The following MYT1 variants were observed in gnomAD, a reference collection of about 807,000 sequenced individuals.
The protein encoded by MYT1 is myelin transcription factor I.
Under a neutral mutation model 123.0 loss-of-function variants are expected in MYT1, and 23 were observed. The ratio of observed to expected loss-of-function variants is 0.19; its 90% CI spans 0.13 to 0.26. MYT1 has a LOEUF of 0.26. Ranked by LOEUF, MYT1 falls within the 10% of genes least tolerant of loss-of-function variation. The pLI is 1.00. For synonymous variants in MYT1, 518 were observed against 575.3 expected (o/e 0.90, Z 1.43); for missense variants, 1,125 against 1,472.5 (o/e 0.76, Z 3.86).
Position 64,189,678 on chromosome 20 carries a change from C to T in MYT1, c.-98-385C>T, listed in dbSNP as rs892847689. Among the ~76,000 whole-genome samples the T allele has an allele frequency of 6.6e-5, 10 of 152,168 alleles. No homozygotes were observed. Among genetic ancestry groups the T allele is most frequent in the African/African-American group, 1.2e-4 (5 of 41,440 alleles). On this transcript the variant is annotated intron_variant, in intron 1 of 22. Coordinates refer to ENST00000328439, the MANE Select transcript of MYT1 (RefSeq NM_004535.3). The surrounding 1 kb of genome is among the most constrained non-coding windows in gnomAD (Gnocchi z 5.5). The stretch of plus-strand genomic sequence containing the variant: ...GGGGCAGAAGGATCTGGTTGTAATG[C>T]GAATAATTACTCATTAGTCAGCTCA...
At chr20:64,237,606 G>A (rs773519102) in intron 21 of MYT1, among the ~76,000 whole-genome samples, 2 of 152,184 alleles carry the variant, frequency 1.3e-5, no homozygotes, top group African/African-American at 4.8e-5. Context: ...GTGGGCCGCC[G>A]GAGCTGGTTG....
Position 64,211,316 on chromosome 20 carries a change from C to T in MYT1, c.1402C>T (p.His468Tyr), listed in dbSNP as rs556404142. Reference protein sequence around the residue: ...PHHRSLSGCPHKDRIPPEILA... With the variant: ...PHHRSLSGCPYKDRIPPEILA... ...CCACCGCAGCCTTTCTGGCTGTCCC[C>T]ACAAGGATAGGATCCCCCCAGAGAG... Residue 468 changes from histidine to tyrosine, a missense_variant, in exon 8 of 23, where the codon CAC (histidine) becomes TAC (tyrosine). Transcript: ENST00000328439. The T allele has an allele frequency of 7.7e-5, 125 of 1,613,634 alleles. No individual in the cohort carries two copies. In the South Asian group the frequency reaches 1.2e-3, roughly 16 times the overall value.
chr20:64,223,434 C>T, intron 16 of MYT1, 75 bp downstream of exon 16: 1 of 1,516,416 alleles, frequency 6.6e-7, no homozygotes, highest in East Asian at 2.3e-5. Context: ...AGGCTCCTGC[C>T]AAAATCAGCC....
intron 16 of MYT1, 144 bp downstream of exon 16, chr20:64,223,503 G>A (rs1984074146): frequency 1.1e-6 from 1 of 888,400 alleles, no homozygotes; most frequent in South Asian, 1.5e-5. Context: ...CAGAGGGGCA[G>A]GGCCGTGGAG....
intron 10 of MYT1, among the ~76,000 whole-genome samples, chr20:64,214,361 G>A (rs916477248): frequency 5.9e-5 from 9 of 152,206 alleles, no homozygotes; most frequent in Non-Finnish European, 2.9e-5. Flanking sequence ...GCATATGTGC[G>A]AGTATGTTTA....
chr20:64,211,739 T>C (rs1373017082), intron 8 of MYT1, among the ~76,000 whole-genome samples: 1 of 152,152 alleles, frequency 6.6e-6, no homozygotes, highest in Non-Finnish European at 1.5e-5. Flanking sequence ...ATTGTGAAAA[T>C]TAAATTTAAA....
Position 64,217,322 on chromosome 20 carries a change from C to T in MYT1, c.1846+41C>T, listed in dbSNP as rs764366721. 3.7e-6 allele frequency: 6 copies of T among 1,603,546 alleles called. No individual in the cohort carries two copies. The South Asian group carries it at 6.6e-5, about 18-fold the overall frequency. On this transcript the variant is annotated intron_variant, in intron 11 of 22. Transcript: ENST00000328439. ...TTGTTCTTGTTTCTCTTCTGTGTTG[C>T]TCCTGGGAGGGGCAGGATTCAAGGG...
At position 64,213,449 on chromosome 20, in the gene MYT1, C is replaced by T. The variant is rs1054192992; in HGVS notation, c.1518-85C>T. The stretch of plus-strand genomic sequence containing the variant: ...AGTTCTCACATCTGAATGACCTTGC[C>T]GTGAGACACCCACACACACAGACAC... On this transcript the variant is annotated intron_variant, in intron 9 of 22. Coordinates refer to ENST00000328439, the MANE Select transcript of MYT1 (RefSeq NM_004535.3). The surrounding 1 kb of genome is among the most constrained non-coding windows in gnomAD (Gnocchi z 5.6). 1.6e-5 allele frequency: 16 copies of T among 1,017,592 alleles called. No homozygotes were observed. The highest frequency in any genetic ancestry group is 2.7e-5 in the South Asian group (2 of 72,736). 63.0% of individuals were successfully genotyped at this position (1,017,592 alleles called of 1,614,324 possible).
At chr20:64,170,884 T>TATATAGAGAG (rs1569303821) in intron 1 of MYT1, among the ~76,000 whole-genome samples, 9 of 20,010 alleles carry the variant, frequency 4.5e-4, no homozygotes, top group African/African-American at 9.3e-4. Context: ...TATATATATA[T>TATATAGAGAG]AGAGAGAGAG....
chr20:64,222,170 C>T, intron 14 of MYT1, 123 bp downstream of exon 14: 2 of 1,080,962 alleles, frequency 1.9e-6, no homozygotes, highest in Admixed American at 5.2e-5. Flanking sequence ...GTCCTGACCA[C>T]CTCGAGCCAG....
At chr20:64,205,161 T>C in intron 5 of MYT1, 64 bp downstream of exon 5, 1 of 1,565,228 alleles carries the variant, frequency 6.4e-7, no homozygotes, top group Non-Finnish European at 8.8e-7. Context: ...CTGCCCACTC[T>C]GCAGATGGAG....
chr20:64,225,431 G>A (rs1359079984), intron 16 of MYT1, among the ~76,000 whole-genome samples: 1 of 152,208 alleles, frequency 6.6e-6, no homozygotes, highest in Non-Finnish European at 1.5e-5. Flanking sequence ...CCTCCCATGT[G>A]TCTGATGTGG....
At position 64,193,464 on chromosome 20, in the gene MYT1, A is replaced by G. The variant is rs1052956984; in HGVS notation, c.-1+3304A>G. Among the ~76,000 whole-genome samples the G allele has an allele frequency of 2.0e-5, 3 of 152,062 alleles. No individual in the cohort carries two copies. Among genetic ancestry groups the G allele is most frequent in the Non-Finnish European group, 2.9e-5 (2 of 68,010 alleles). ...AGTGGGAGCTTGGATCTTCCACAATACTGTCTGCTGTAATGGCTTCACAGC... is the reference window on the plus strand; with the variant it reads ...AGTGGGAGCTTGGATCTTCCACAATGCTGTCTGCTGTAATGGCTTCACAGC... On this transcript the variant is annotated intron_variant, in intron 2 of 22. Coordinates refer to ENST00000328439, the MANE Select transcript of MYT1 (RefSeq NM_004535.3). This position sits in a 1 kb window ranked among gnomAD's most constrained non-coding sequence, Gnocchi z 4.0.
chr20:64,205,727 G>A lies in MYT1; in HGVS notation c.324G>A (p.Ser108=), dbSNP rs200184375. Residue 108 remains serine (S), a synonymous_variant, in exon 6 of 23, where the codon TCG becomes TCA. Coordinates refer to ENST00000328439, the MANE Select transcript of MYT1 (RefSeq NM_004535.3). The part of the protein sequence containing the change: ...EVKDASVSDE[S]EGTLEGAEAE... Reference sequence around the variant, plus strand: ...AGGACGCCTCTGTTTCGGATGAATCGGAAGGAACTCTGGAGGGGGCCGAGG... The same window carrying A: ...AGGACGCCTCTGTTTCGGATGAATCAGAAGGAACTCTGGAGGGGGCCGAGG... 44 of 1,614,084 alleles carry A rather than the reference G, an allele frequency of 2.7e-5. No individual in the cohort carries two copies. The highest frequency in any genetic ancestry group is 3.6e-5 in the Non-Finnish European group (42 of 1,180,046).
At chr20:64,172,453 C>G (rs1421696177) in intron 1 of MYT1, among the ~76,000 whole-genome samples, 1 of 152,194 alleles carries the variant, frequency 6.6e-6, no homozygotes, top group East Asian at 1.9e-4. Context: ...TGGGCTCATC[C>G]TGACCCTAAA....
In MYT1 at chr20:64,231,282, G is replaced by A. The variant is rs1264813935; in HGVS notation, c.2676-882G>A. Among the ~76,000 whole-genome samples, 1 of 152,184 alleles carries A rather than the reference G, an allele frequency of 6.6e-6. No individual in the cohort carries two copies. The highest frequency in any genetic ancestry group is 1.5e-5 in the Non-Finnish European group (1 of 68,030). ...CTGGGTTTGGCGTGGGTTCCTGGAT[G>A]ACGTGGTCCCTCAGCTCCCCAAGTC... On this transcript the variant is annotated intron_variant, in intron 18 of 22. Coordinates refer to ENST00000328439, the MANE Select transcript of MYT1 (RefSeq NM_004535.3). The surrounding 1 kb of genome is among the most constrained non-coding windows in gnomAD (Gnocchi z 6.4).
chr20:64,224,816 A>T (rs1984121217), intron 16 of MYT1, among the ~76,000 whole-genome samples: 1 of 152,140 alleles, frequency 6.6e-6, no homozygotes, highest in Non-Finnish European at 1.5e-5. Flanking sequence ...ATAATTTAAG[A>T]GGAGAAATGT....
rs779131517 is a variant in MYT1, at chr20:64,218,781, T to G, written c.1847-130T>G. On this transcript the variant is annotated intron_variant, in intron 11 of 22. Coordinates refer to ENST00000328439, the MANE Select transcript of MYT1 (RefSeq NM_004535.3). The surrounding 1 kb of genome is among the most constrained non-coding windows in gnomAD (Gnocchi z 4.0). ...CTCCCCACTGACTTGTCTGCATTGC[T>G]GCCTCTTTTCAAGTTGTATATCAGC... is the stretch of plus-strand genomic sequence containing the variant. 1.6e-6 allele frequency: 2 copies of G among 1,212,930 alleles called. No individual in the cohort carries two copies. The highest frequency in any genetic ancestry group is 2.4e-6 in the Non-Finnish European group (2 of 838,562). 75.1% of individuals were successfully genotyped at this position (1,212,930 alleles called of 1,614,324 possible). A position where few individuals can be genotyped will look rare whatever the true frequency, so the allele number is the denominator to read the frequency against.
intron 1 of MYT1, among the ~76,000 whole-genome samples, chr20:64,170,831 C>G (rs576823928): frequency 8.0e-6 from 1 of 125,340 alleles, no homozygotes; most frequent in Non-Finnish European, 1.6e-5. Flanking sequence ...CCCCATGACA[C>G]AGATAGACAA....
Sources: gnomAD v4.1 joint callset for allele counts (sites outside exome capture counted in the v4.1 genomes callset) on GRCh38, gnomAD v4.1.1 for gene constraint, Gnocchi (gnomAD v3.1) non-coding constraint, MANE v1.5 for transcripts, NCBI Gene and HGNC (gene_info 2026-07-23, HGNC 2026-07-21) for gene names.